The following HTT variants were observed in gnomAD, a reference collection of about 807,000 sequenced individuals.
HTT encodes huntington disease protein.
HTT carries 104 observed loss-of-function variants against 362.3 expected under a neutral mutation model. That is an observed-to-expected ratio of 0.29 (90% CI 0.24 to 0.34). HTT has a LOEUF of 0.34. Ranked by LOEUF, HTT falls within the 10% of genes least tolerant of loss-of-function variation. The pLI is 1.00. For missense variants in HTT, 3,301 were observed against 3,928.6 expected (o/e 0.84, Z 4.27); for synonymous variants, 1,577 against 1,548.7 (o/e 1.02, Z -0.43).
intron 2 of HTT, among the ~76,000 whole-genome samples, chr4:3,091,844 A>G (rs1374336037): frequency 2.0e-5 from 3 of 152,186 alleles, no homozygotes; most frequent in African/African-American, 7.2e-5. Flanking sequence ...TAAGAAGGCA[A>G]TTTGGGAAAA....
chr4:3,233,414 G>A (rs1721356267), intron 61 of HTT, 61 bp downstream of exon 61: 3 of 1,483,010 alleles, frequency 2.0e-6, no homozygotes, highest in South Asian at 2.4e-5. Flanking sequence ...GAAGGAAGCA[G>A]CATCACCCTC....
chr4:3,157,238 C>T, intron 28 of HTT, 39 bp downstream of exon 28: 2 of 1,566,268 alleles, frequency 1.3e-6, no homozygotes, highest in Non-Finnish European at 1.7e-6. Flanking sequence ...TATATGCACA[C>T]ATACTTACGT....
At chr4:3,126,476 T>C (rs899610300) in intron 11 of HTT, among the ~76,000 whole-genome samples, 1 of 152,254 alleles carries the variant, frequency 6.6e-6, no homozygotes, top group Non-Finnish European at 1.5e-5. Context: ...TCTAAAAGAA[T>C]ATTTTAGCTA....
In HTT at chr4:3,136,244, C is replaced by T; in HGVS notation, c.2716C>T (p.Arg906Ter). 6.2e-7 allele frequency: 1 copy of T among 1,609,564 alleles called. No individual in the cohort carries two copies. The highest frequency in any genetic ancestry group is 8.5e-7 in the Non-Finnish European group (1 of 1,176,200). ...TCTAAAGCTTTTAAAACTGCAAGAA[C>T]GAGTGCTCAATAATGTTGTCATCCA... ...HYTGLLKLQE[R>*]VLNNVVIHLL... is the part of the protein sequence containing the mutation. The change falls in exon 21 of 67, where the codon CGA (arginine) becomes TGA (stop). Residue 906 changes from arginine to a stop codon, truncating the protein, a stop_gained. Transcript: ENST00000355072. LOFTEE classifies it high-confidence loss of function.
intron 51 of HTT, 29 bp downstream of exon 51, chr4:3,215,240 C>T (rs1025398995): frequency 6.5e-6 from 10 of 1,532,204 alleles, no homozygotes; most frequent in Non-Finnish European, 8.1e-6. Context: ...TTTTTTCTTA[C>T]ATGTTGTTCC....
Position 3,140,445 on chromosome 4 carries a change from G to A in HTT, c.2799-65G>A. ...TTGGCTTAGCCATCTGCAGGGAGGA[G>A]GGTGGTCTATCACAGGTGAGTTTCA... On this transcript the variant is annotated intron_variant, in intron 21 of 66. Transcript: ENST00000355072. 3 of 1,430,514 alleles carry A rather than the reference G, an allele frequency of 2.1e-6. No homozygotes were observed. The South Asian group carries it at 3.6e-5, about 17-fold the overall frequency. The allele number at this position is 1,430,514 out of a possible 1,614,324, so 88.6% of individuals were successfully genotyped here. A position where few individuals can be genotyped will look rare whatever the true frequency, so the allele number is the denominator to read the frequency against.
chr4:3,109,319 C>T (rs933888868), intron 6 of HTT, among the ~76,000 whole-genome samples: 6 of 147,634 alleles, frequency 4.1e-5, no homozygotes, highest in East Asian at 2.0e-4. Flanking sequence ...CTCTGTCTCC[C>T]GGGTTCAAGC....
intron 3 of HTT, among the ~76,000 whole-genome samples, chr4:3,102,506 A>G (rs1714206673): frequency 6.6e-6 from 1 of 152,264 alleles, no homozygotes; most frequent in Non-Finnish European, 1.5e-5. Context: ...ACAAACTGCA[A>G]CAACAGGATT....
intron 1 of HTT, among the ~76,000 whole-genome samples, chr4:3,084,237 C>A (rs1380316300): frequency 1.6e-5 from 2 of 122,362 alleles, no homozygotes; most frequent in African/African-American, 3.2e-5. Context: ...CAGAGTCTTG[C>A]TCTGTTGCCC....
chr4:3,111,855 C>T (rs1714767758), intron 6 of HTT, among the ~76,000 whole-genome samples: 1 of 152,152 alleles, frequency 6.6e-6, no homozygotes, highest in Non-Finnish European at 1.5e-5. Flanking sequence ...TCACCCTCTC[C>T]ATCCCTCCAC....
chr4:3,149,303 T>C (rs1416099284), intron 26 of HTT, among the ~76,000 whole-genome samples: 1 of 151,598 alleles, frequency 6.6e-6, no homozygotes, highest in Non-Finnish European at 1.5e-5. Flanking sequence ...ACTTTTTTTT[T>C]TTTTTTTTTT....
Position 3,195,432 on chromosome 4 carries a change from G to A in HTT, c.5369-4300G>A, listed in dbSNP as rs192609647. Among the ~76,000 whole-genome samples the A allele has an allele frequency of 9.9e-5, 15 of 152,068 alleles. No individual in the cohort carries two copies. The East Asian group carries it at 2.9e-3, about 30-fold the overall frequency. Reference sequence around the variant, plus strand: ...CGCCTTCCTGCCCGCCTCCTTTCCTGCACTGCCATCGTGGTCTCCGGGCAC... The same window carrying A: ...CGCCTTCCTGCCCGCCTCCTTTCCTACACTGCCATCGTGGTCTCCGGGCAC... On this transcript the variant is annotated intron_variant, in intron 40 of 66. Transcript: ENST00000355072.
At chr4:3,113,666 A>C (rs1327967571) in intron 6 of HTT, among the ~76,000 whole-genome samples, 1 of 152,150 alleles carries the variant, frequency 6.6e-6, no homozygotes, top group Non-Finnish European at 1.5e-5. Context: ...CTTTTCTTGC[A>C]GCTAAAAAAG....
At chr4:3,180,321 A>AC (rs1413367555) in intron 35 of HTT, among the ~76,000 whole-genome samples, 194 bp from the exon 36 acceptor site, 2 of 152,186 alleles carry the variant, frequency 1.3e-5, no homozygotes, top group Admixed American at 1.3e-4. Context: ...TCACAAAATG[A>AC]TCAGTGTTCA....
In HTT at chr4:3,199,839, A is replaced by T; in HGVS notation, c.5476A>T (p.Ile1826Phe). ...CTTGAACTTGCGGGCTCGTTCCATG[A>T]TCACCACCCACCCGGCCCTGGTGCT... ...DSLNLRARSM[I>F]TTHPALVLLW... Residue 1826 changes from isoleucine (I) to phenylalanine (F), a missense_variant, in exon 41 of 67, where the codon ATC becomes TTC. By Grantham distance (21) the Ile-to-Phe change is conservative. Transcript: ENST00000355072. 6.2e-7 allele frequency: 1 copy of T among 1,614,122 alleles called. No individual in the cohort carries two copies. The highest frequency in any genetic ancestry group is 1.1e-5 in the South Asian group (1 of 91,078).
In HTT at chr4:3,103,893, G is replaced by A; in HGVS notation, c.528+10G>A. On this transcript the variant is annotated intron_variant, in intron 4 of 66. Transcript: ENST00000355072. Reference sequence around the variant, plus strand: ...TAAGGAAATTAAAAAGGTGGGCCTTGCTTTTCTTTTTTAAAAATGTTTTAA... The same window carrying A: ...TAAGGAAATTAAAAAGGTGGGCCTTACTTTTCTTTTTTAAAAATGTTTTAA... 2 of 1,566,906 alleles carry A rather than the reference G, an allele frequency of 1.3e-6. No individual in the cohort carries two copies. Among genetic ancestry groups the A allele is most frequent in the South Asian group, 1.1e-5 (1 of 87,642 alleles).
chr4:3,155,967 G>A (rs898576463), intron 27 of HTT, among the ~76,000 whole-genome samples: 1 of 151,488 alleles, frequency 6.6e-6, no homozygotes, highest in Non-Finnish European at 1.5e-5. Flanking sequence ...ATCACCTCAC[G>A]TATCATTGTT....
chr4:3,184,882 G>C (rs868416178), intron 37 of HTT, among the ~76,000 whole-genome samples: 2 of 152,098 alleles, frequency 1.3e-5, no homozygotes, highest in Non-Finnish European at 2.9e-5. Context: ...AGGTAGGTGA[G>C]GGGAGCCAGT....
intron 1 of HTT, among the ~76,000 whole-genome samples, chr4:3,081,869 C>A (rs1330367821): frequency 2.0e-5 from 3 of 151,514 alleles, no homozygotes; most frequent in Non-Finnish European, 4.4e-5. Flanking sequence ...GAAAGCATTT[C>A]TTTTTTGGCT....
Sources: allele counts gnomAD v4.1 joint callset (sites outside exome capture counted in the v4.1 genomes callset), GRCh38; gene constraint gnomAD v4.1.1; transcripts MANE v1.5; gene names NCBI Gene and HGNC (gene_info 2026-07-23, HGNC 2026-07-21).